The following STK32A variants were observed in gnomAD, a reference collection of about 807,000 sequenced individuals.
STK32A encodes the protein serine/threonine-protein kinase 32A.
A neutral mutation model predicts 53.2 loss-of-function variants in STK32A; 41 were observed. The ratio of observed to expected loss-of-function variants is 0.77; its 90% CI spans 0.60 to 1.00. STK32A has a LOEUF of 1.00. Ranked by LOEUF, STK32A falls within the 50% of genes least tolerant of loss-of-function variation. STK32A has a pLI of 0.00. For synonymous variants in STK32A, 166 were observed against 162.8 expected (o/e 1.02, Z -0.15); for missense variants, 458 against 485.8 (o/e 0.94, Z 0.54).
rs886952652 is a variant in STK32A at position 147,333,277 on chromosome 5, G to A, written c.434+9206G>A. ...CTTATAAATTTTCAGCTTACAATGG[G>A]TTTATCAGGGCGTAACCCATTGCAA... is the stretch of plus-strand genomic sequence containing the variant. On this transcript the variant is annotated intron_variant, in intron 5 of 12. Coordinates refer to ENST00000397936, the MANE Select transcript of STK32A (RefSeq NM_001112724.2). Among the ~76,000 whole-genome samples, 87 of 152,262 alleles carry A rather than the reference G, an allele frequency of 5.7e-4. 1 individual carries two copies. Among genetic ancestry groups the A allele is most frequent in the Non-Finnish European group, 2.9e-5 (2 of 68,016 alleles).
In STK32A at chr5:147,376,175, G is replaced by C. The variant is rs543150688; in HGVS notation, c.1032+957G>C. On this transcript the variant is annotated intron_variant, in intron 11 of 12. Transcript: ENST00000397936. ...ATCTCCTTAATTTCTCTAGTAGTCA[G>C]GGGCCACTATATATTTCAATGGACA... 1.1e-4 allele frequency among the ~76,000 whole-genome samples: 16 copies of C among 152,234 alleles called. No individual in the cohort carries two copies. The South Asian group carries it at 2.9e-3, about 28-fold the overall frequency.
chr5:147,341,356 A>T (rs529566998), intron 5 of STK32A, among the ~76,000 whole-genome samples: 1 of 152,332 alleles, frequency 6.6e-6, no homozygotes, highest in African/African-American at 2.4e-5. Flanking sequence ...TCTTGAGTGC[A>T]CTGGAATTTC....
chr5:147,249,233 C>A (rs1300218994), intron 2 of STK32A, among the ~76,000 whole-genome samples: 1 of 151,756 alleles, frequency 6.6e-6, no homozygotes, highest in Non-Finnish European at 1.5e-5. Context: ...TAGTGAGAAC[C>A]TAGGTAAGTG....
Position 147,376,386 on chromosome 5 carries a change from C to G in STK32A, c.1032+1168C>G, listed in dbSNP as rs1164089065. Among the ~76,000 whole-genome samples, 4 of 152,086 alleles carry G rather than the reference C, an allele frequency of 2.6e-5. No homozygotes were observed. In the South Asian group the frequency reaches 8.3e-4, roughly 32 times the overall value. The stretch of plus-strand genomic sequence containing the variant: ...TCTGTTCCTCATGATCATGTCATAA[C>G]CAACCCGCTTCTCCAGACTTGCTCC... On this transcript the variant is annotated intron_variant, in intron 11 of 12. Coordinates refer to ENST00000397936, the MANE Select transcript of STK32A (RefSeq NM_001112724.2).
intron 5 of STK32A, among the ~76,000 whole-genome samples, chr5:147,341,120 T>G (rs946756959): frequency 1.3e-5 from 2 of 152,148 alleles, no homozygotes; most frequent in African/African-American, 4.8e-5. Flanking sequence ...CCTCATAAAT[T>G]CAGGCCAAGA....
intron 8 of STK32A, among the ~76,000 whole-genome samples, chr5:147,364,359 C>T (rs1298350021): frequency 6.6e-6 from 1 of 152,126 alleles, no homozygotes; most frequent in Non-Finnish European, 1.5e-5. Flanking sequence ...CCTCCAGTTT[C>T]CAATAACATG....
At chr5:147,358,807 T>C (rs1159767571) in intron 7 of STK32A, among the ~76,000 whole-genome samples, 3 of 152,188 alleles carry the variant, frequency 2.0e-5, no homozygotes, top group African/African-American at 2.4e-5. Flanking sequence ...AGCTAGCCAA[T>C]TTATCCACAG....
rs1268505478 is a variant in STK32A at position 147,385,002 on chromosome 5, G to A, written c.*1019G>A. ...TCTTTTCTCAGTAAAGCCCAATACA[G>A]TGTCACCTTTCACTAATGAAACAAG... On this transcript the variant is annotated 3_prime_UTR_variant, in exon 13 of 13. Coordinates refer to ENST00000397936, the MANE Select transcript of STK32A (RefSeq NM_001112724.2). 1 of 152,234 alleles carries A rather than the reference G, an allele frequency of 6.6e-6. No homozygotes were observed. The highest frequency in any genetic ancestry group is 2.4e-5 in the African/African-American group (1 of 41,442). 9.4% of individuals were successfully genotyped at this position (152,234 alleles called of 1,614,324 possible).
intron 2 of STK32A, among the ~76,000 whole-genome samples, chr5:147,259,197 C>G (rs1263800675): frequency 6.6e-6 from 1 of 152,150 alleles, no homozygotes; most frequent in Non-Finnish European, 1.5e-5. Flanking sequence ...TAGCCCCATA[C>G]TTTAAGATTT....
chr5:147,394,304 C>T, the STK32A span, among the ~76,000 whole-genome samples: 19 of 152,232 alleles, frequency 1.2e-4, no homozygotes, highest in Admixed American at 2.0e-4. Context: ...CTTATGGCCC[C>T]GAAAACTAGC....
intron 8 of STK32A, among the ~76,000 whole-genome samples, chr5:147,369,218 T>C (rs1408132178): frequency 6.6e-6 from 1 of 152,164 alleles, no homozygotes; most frequent in Non-Finnish European, 1.5e-5. Context: ...TTTTAGATCT[T>C]ACTTAAAAAG....
chr5:147,235,222 C>A (rs1389654736), intron 1 of STK32A, 23 bp downstream of exon 1: 3 of 152,232 alleles, frequency 2.0e-5, no homozygotes, highest in Admixed American at 1.3e-4. Flanking sequence ...CTAGATTTAA[C>A]GAATAATAAC....
At chr5:147,261,222 A>C (rs572594662) in intron 2 of STK32A, among the ~76,000 whole-genome samples, 2 of 152,326 alleles carry the variant, frequency 1.3e-5, no homozygotes, top group South Asian at 4.1e-4. Flanking sequence ...TTAGTGCCAC[A>C]AAAGGAATAG....
intron 11 of STK32A, 186 bp from the exon 12 acceptor site, chr5:147,383,255 T>C: frequency 1.6e-6 from 1 of 621,336 alleles, no homozygotes; most frequent in Non-Finnish European, 2.9e-6. Flanking sequence ...GGAGACAGAT[T>C]CCTGGTGCTT....
At chr5:147,288,635 G>C (rs1414044244) in intron 4 of STK32A, among the ~76,000 whole-genome samples, 1 of 152,032 alleles carries the variant, frequency 6.6e-6, no homozygotes, top group Non-Finnish European at 1.5e-5. Context: ...AGAGAGAGGA[G>C]GAGAGAGTCA....
At chr5:147,246,222 T>G (rs1045537110) in intron 2 of STK32A, among the ~76,000 whole-genome samples, 1 of 152,224 alleles carries the variant, frequency 6.6e-6, no homozygotes, top group African/African-American at 2.4e-5. Context: ...GCATTTGTCA[T>G]AAATAACCTC....
intron 10 of STK32A, among the ~76,000 whole-genome samples, chr5:147,374,830 T>C (rs1219897628): frequency 1.3e-5 from 2 of 152,168 alleles, no homozygotes; most frequent in African/African-American, 4.8e-5. Context: ...TAACCCAAAA[T>C]TTATTTTCCA....
chr5:147,380,848 C>T (rs748040446), intron 11 of STK32A, among the ~76,000 whole-genome samples: 96 of 152,168 alleles, frequency 6.3e-4, no homozygotes, highest in Non-Finnish European at 1.2e-3. Context: ...CCAGGTAGAA[C>T]CTCCAAGCTA....
chr5:147,373,388 A>G, intron 10 of STK32A, 94 bp downstream of exon 10: 3 of 1,509,780 alleles, frequency 2.0e-6, no homozygotes, highest in Non-Finnish European at 2.7e-6. Flanking sequence ...TAATCACACC[A>G]GTGTTGTTAA....
Sources: allele counts gnomAD v4.1 joint callset (sites outside exome capture counted in the v4.1 genomes callset), GRCh38; gene constraint gnomAD v4.1.1; transcripts MANE v1.5; gene names NCBI Gene and HGNC (gene_info 2026-07-23, HGNC 2026-07-21).